Variants in LGR6 observed in about 807,000 individuals in gnomAD.
LGR6 encodes leucine rich repeat containing G protein-coupled receptor 6.
LGR6 carries 45 observed loss-of-function variants against 69.4 expected under a neutral mutation model. That is an observed-to-expected ratio of 0.65 (90% CI 0.51 to 0.83). The LOEUF (loss-of-function observed/expected upper bound fraction) is 0.83, where lower values mean the gene tolerates loss of function less well. LGR6 is among the 40% of genes least tolerant of loss of function. The probability of loss-of-function intolerance (pLI) is 0.00; values close to 1 mark genes in which losing one functional copy is unlikely to be tolerated. For synonymous variants in LGR6, 538 were observed against 555.0 expected (o/e 0.97, Z 0.43); for missense variants, 1,108 against 1,246.7 (o/e 0.89, Z 1.68).
Position 202,314,896 on chromosome 1 carries a change from TGGGGAATGGGGACGAG to T in LGR6, c.1648+24_1648+39del. ...GCCCTACTCCAGGTGAGGTGGTGTCTGGGGAATGGGGACGAGGGGGAATGGAGAAAGGGCACCCAAC... is the reference window on the plus strand; with the variant it reads ...GCCCTACTCCAGGTGAGGTGGTGTCTGGGGAATGGAGAAAGGGCACCCAAC... On this transcript the variant is annotated intron_variant, in intron 17 of 17. Transcript: ENST00000367278. 1 of 1,599,596 alleles carries T rather than the reference TGGGGAATGGGGACGAG, an allele frequency of 6.3e-7. No homozygotes were observed. Among genetic ancestry groups the T allele is most frequent in the Non-Finnish European group, 8.6e-7 (1 of 1,166,804 alleles).
Position 202,314,834 on chromosome 1 carries a change from A to G in LGR6, c.1600A>G (p.Met534Val), listed in dbSNP as rs1209004889. The change falls in exon 17 of 18, where the codon ATG (methionine) becomes GTG (valine). Residue 534 changes from methionine (M) to valine (V), a missense_variant. Transcript: ENST00000367278. ...GGACCTGGATGAGCTCCAGCTGGAG[A>G]TGGAGGACTCAAAGCCACACCCCAG... ...DQDLDELQLE[M>V]EDSKPHPSVQ... 1.9e-6 allele frequency: 3 copies of G among 1,613,914 alleles called. No homozygotes were observed. In the East Asian group the frequency reaches 6.7e-5, roughly 36 times the overall value.
At chr1:202,235,380 T>C (rs1467700693) in intron 3 of LGR6, among the ~76,000 whole-genome samples, 5 of 152,158 alleles carry the variant, frequency 3.3e-5, no homozygotes, top group Non-Finnish European at 5.9e-5. Flanking sequence ...GCCATGAGAA[T>C]AGTGCAGATA....
intron 6 of LGR6, among the ~76,000 whole-genome samples, chr1:202,286,089 G>A (rs1666374314): frequency 6.6e-6 from 1 of 152,202 alleles, no homozygotes; most frequent in South Asian, 2.1e-4. Context: ...GGCCCACCCT[G>A]TTAACCAAGG....
chr1:202,265,741 G>A (rs1040510976), intron 4 of LGR6, among the ~76,000 whole-genome samples: 1 of 152,138 alleles, frequency 6.6e-6, no homozygotes, highest in Non-Finnish European at 1.5e-5. Context: ...CACTTCCACT[G>A]CTGTGATCTC....
intron 3 of LGR6, among the ~76,000 whole-genome samples, chr1:202,230,424 G>A (rs1660928402): frequency 6.6e-6 from 1 of 152,194 alleles, no homozygotes; most frequent in Admixed American, 6.5e-5. Flanking sequence ...CTGTCCTGTA[G>A]AGCTGGCAAG....
intron 14 of LGR6, among the ~76,000 whole-genome samples, chr1:202,307,977 C>G (rs945279345): frequency 6.6e-6 from 1 of 152,208 alleles, no homozygotes; most frequent in Admixed American, 6.5e-5. Flanking sequence ...CGCAAGCACT[C>G]CTGCCCAAGA....
chr1:202,214,255 G>C, intron 1 of LGR6: 2 of 1,528,864 alleles, frequency 1.3e-6, no homozygotes, highest in Non-Finnish European at 1.7e-6. Flanking sequence ...TGGGGGAAGG[G>C]TGCCGAGCTC....
At chr1:202,212,888 C>T (rs1659517138) in intron 1 of LGR6, among the ~76,000 whole-genome samples, 1 of 152,154 alleles carries the variant, frequency 6.6e-6, no homozygotes. Context: ...AGCTCTGAGG[C>T]AGGCCACTTT....
At chr1:202,270,642 G>A (rs1303105228) in intron 4 of LGR6, among the ~76,000 whole-genome samples, 5 of 152,140 alleles carry the variant, frequency 3.3e-5, no homozygotes, top group African/African-American at 9.7e-5. Flanking sequence ...AGGCTGGAAG[G>A]CTCCTTCAGG....
In LGR6 at chr1:202,233,006, G is replaced by A. The variant is rs116128090; in HGVS notation, c.357-2916G>A. Among the ~76,000 whole-genome samples, 988 of 152,288 alleles carry A rather than the reference G, an allele frequency of 6.5e-3. 14 individuals carry two copies. The highest frequency in any genetic ancestry group is 0.022 in the African/African-American group (921 of 41,542). ...AGGGACATCAAGGGAAATGGGTCAG[G>A]GCCAAAGCCGACTGCCATGCTGACC... On this transcript the variant is annotated intron_variant, in intron 3 of 17. Transcript: ENST00000367278.
chr1:202,223,101 A>G (rs200989463), intron 1 of LGR6, among the ~76,000 whole-genome samples: 3 of 12,274 alleles, frequency 2.4e-4, no homozygotes, highest in Non-Finnish European at 5.4e-4. Flanking sequence ...AACTCTGGGG[A>G]AAAAAAAATC....
rs1014154219 is a variant in LGR6, at chr1:202,249,832, C to A, written c.428+13839C>A. Among the ~76,000 whole-genome samples the A allele has an allele frequency of 2.0e-4, 30 of 152,186 alleles. 1 individual carries two copies. The highest frequency in any genetic ancestry group is 7.2e-4 in the African/African-American group (30 of 41,446). The stretch of plus-strand genomic sequence containing the variant: ...TTGCCTGGGCTGCTGTAACAGCCTC[C>A]TTACAGGCCCCCAGCTTCTACTCTG... On this transcript the variant is annotated intron_variant, in intron 4 of 17. Transcript: ENST00000367278.
At chr1:202,203,530 G>A (rs1016171436) in intron 1 of LGR6, among the ~76,000 whole-genome samples, 1 of 151,960 alleles carries the variant, frequency 6.6e-6, no homozygotes, top group African/African-American at 2.4e-5. Context: ...AGGCTGTTGT[G>A]AGGAGCAAGC....
chr1:202,205,027 ACCT>A (rs1659079912), intron 1 of LGR6, among the ~76,000 whole-genome samples: 1 of 22,012 alleles, frequency 4.5e-5, no homozygotes, highest in Non-Finnish European at 9.8e-5. Context: ...CACCTCACAC[ACCT>A]CCTTCAAACA....
intron 6 of LGR6, among the ~76,000 whole-genome samples, chr1:202,283,019 G>A (rs1318284484): frequency 6.6e-6 from 1 of 152,218 alleles, no homozygotes; most frequent in Admixed American, 6.5e-5. Flanking sequence ...AAAATCATTT[G>A]CCTCTGTGAG....
intron 4 of LGR6, among the ~76,000 whole-genome samples, chr1:202,274,186 G>A (rs955134178): frequency 2.6e-5 from 4 of 152,206 alleles, no homozygotes; most frequent in Admixed American, 2.6e-4. Flanking sequence ...GCTTACTGGT[G>A]TGCTTGGTCA....
rs190885078 is a variant in LGR6, at chr1:202,275,001, C to A, written c.429-1305C>A. 1.1e-3 allele frequency among the ~76,000 whole-genome samples: 164 copies of A among 152,318 alleles called. No individual in the cohort carries two copies. The Middle Eastern group carries it at 0.014, about 13-fold the overall frequency. On this transcript the variant is annotated intron_variant, in intron 4 of 17. Transcript: ENST00000367278. ...AGTGTTTCCCAGTGGTGCTTGAGGT[C>A]TTCACAGAGAGAGCACTGATGAGAT... is the stretch of plus-strand genomic sequence containing the variant.
chr1:202,295,585 T>C (rs1282300390), intron 6 of LGR6, among the ~76,000 whole-genome samples: 1 of 152,234 alleles, frequency 6.6e-6, no homozygotes, highest in Non-Finnish European at 1.5e-5. Flanking sequence ...CTGTAGCCCC[T>C]GGTAGAACTC....
intron 4 of LGR6, among the ~76,000 whole-genome samples, chr1:202,252,828 C>T (rs1663383213): frequency 6.6e-6 from 1 of 152,234 alleles, no homozygotes; most frequent in South Asian, 2.1e-4. Context: ...CTGAATCTGA[C>T]TGTGTCCAGA....
Sources: allele counts gnomAD v4.1 joint callset (sites outside exome capture counted in the v4.1 genomes callset), GRCh38; gene constraint gnomAD v4.1.1; transcripts MANE v1.5; gene names NCBI Gene and HGNC (gene_info 2026-07-23, HGNC 2026-07-21).